Variants in SLC14A2 observed in about 807,000 individuals in gnomAD.
SLC14A2 encodes the protein urea transporter 2.
A neutral mutation model predicts 104.6 loss-of-function variants in SLC14A2; 91 were observed. That is an observed-to-expected ratio of 0.87 (90% CI 0.73 to 1.04). The LOEUF (loss-of-function observed/expected upper bound fraction) is 1.04, where lower values mean the gene tolerates loss of function less well. Ranked by LOEUF, SLC14A2 falls within the 50% of genes least tolerant of loss-of-function variation. The probability of loss-of-function intolerance (pLI) is 0.00; values close to 1 mark genes in which losing one functional copy is unlikely to be tolerated. For missense variants in SLC14A2, 1,189 were observed against 1,156.0 expected (o/e 1.03, Z -0.41); for synonymous variants, 476 against 466.4 (o/e 1.02, Z -0.27).
intron 16 of SLC14A2, among the ~76,000 whole-genome samples, chr18:45,671,025 A>G (rs1285632319): frequency 6.6e-6 from 1 of 152,198 alleles, no homozygotes; most frequent in Non-Finnish European, 1.5e-5. Flanking sequence ...TTCTTGGACC[A>G]GAAACAAGAA....
At chr18:45,210,816 G>A (rs564093501), upstream of SLC14A2, among the ~76,000 whole-genome samples, 2 of 152,254 alleles carry the variant, frequency 1.3e-5, no homozygotes, top group South Asian at 4.1e-4. Flanking sequence ...GTTGTATTGA[G>A]CATAACGTGA....
At chr18:45,536,935 G>A (rs2043796119) in intron 2 of SLC14A2, among the ~76,000 whole-genome samples, 1 of 151,792 alleles carries the variant, frequency 6.6e-6, no homozygotes, top group African/African-American at 2.4e-5. Context: ...AGGACCTTGT[G>A]GTCTAGCCAG....
chr18:45,497,601 G>T (rs2043122488), intron 2 of SLC14A2, among the ~76,000 whole-genome samples: 1 of 152,194 alleles, frequency 6.6e-6, no homozygotes, highest in Non-Finnish European at 1.5e-5. Context: ...TTCCAGCTTT[G>T]ATGTATGCCC....
chr18:45,499,279 A>C (rs1292713242), intron 2 of SLC14A2, among the ~76,000 whole-genome samples: 1 of 152,234 alleles, frequency 6.6e-6, no homozygotes, highest in Non-Finnish European at 1.5e-5. Context: ...TTATCTCAAA[A>C]GGTCCCTAAA....
At chr18:45,340,810 C>T (rs557537249) in intron 1 of SLC14A2, among the ~76,000 whole-genome samples, 4 of 152,100 alleles carry the variant, frequency 2.6e-5, no homozygotes, top group Admixed American at 2.6e-4. Context: ...CTGGTTCCTG[C>T]GATGGCCCTT....
intron 1 of SLC14A2, among the ~76,000 whole-genome samples, chr18:45,249,169 G>A (rs2084396316): frequency 6.6e-6 from 1 of 151,988 alleles, no homozygotes; most frequent in Admixed American, 6.5e-5. Context: ...TTATAAGCGT[G>A]TTTGCCTCAG....
intron 1 of SLC14A2, among the ~76,000 whole-genome samples, chr18:45,397,511 T>G (rs1292978343): frequency 1.3e-5 from 2 of 152,186 alleles, no homozygotes; most frequent in South Asian, 2.1e-4. Context: ...TTAATGAGGT[T>G]GTTTGTTTTT....
chr18:45,482,119 G>A (rs1163815880), intron 1 of SLC14A2, among the ~76,000 whole-genome samples: 3 of 152,136 alleles, frequency 2.0e-5, no homozygotes, highest in Non-Finnish European at 4.4e-5. Flanking sequence ...TTAAAAAAAT[G>A]CATACCCATT....
At chr18:45,625,029 C>T (rs1212189957) in intron 2 of SLC14A2, among the ~76,000 whole-genome samples, 6 of 152,198 alleles carry the variant, frequency 3.9e-5, no homozygotes, top group Admixed American at 3.3e-4. Flanking sequence ...AATACAGACA[C>T]TCACTCACCA....
In SLC14A2 at chr18:45,528,217, C is replaced by CA. The variant is rs1568260696; in HGVS notation, c.-35+44900dup. 5.8e-5 allele frequency: 8 copies of CA among 138,388 alleles called. No homozygotes were observed. The South Asian group carries it at 1.9e-3, about 33-fold the overall frequency. The allele number at this position is 138,388 out of a possible 1,614,324, so 8.6% of individuals were successfully genotyped here. A position where few individuals can be genotyped will look rare whatever the true frequency, so the allele number is the denominator to read the frequency against. On this transcript the variant is annotated intron_variant, in intron 2 of 20. Coordinates refer to the SLC14A2 transcript ENST00000586448. Reference sequence around the variant, plus strand: ...GGGGGGTGTCTATATGCGAAGATTTCAAAAACATATCAGAAATTACTCCCA... The same window carrying CA: ...GGGGGGTGTCTATATGCGAAGATTTCAAAAAACATATCAGAAATTACTCCCA...
intron 1 of SLC14A2, among the ~76,000 whole-genome samples, chr18:45,225,950 A>C (rs2084111598): frequency 6.6e-6 from 1 of 152,186 alleles, no homozygotes; most frequent in Non-Finnish European, 1.5e-5. Flanking sequence ...CAGAATCTAC[A>C]AAGAACTTAA....
intron 1 of SLC14A2, among the ~76,000 whole-genome samples, chr18:45,623,802 G>A (rs1358260617): frequency 6.6e-6 from 1 of 152,100 alleles, no homozygotes. Flanking sequence ...AAAGCTCTAG[G>A]TCATACTGAG....
intron 4 of SLC14A2, among the ~76,000 whole-genome samples, chr18:45,629,935 T>A (rs1424781253): frequency 1.3e-5 from 2 of 152,236 alleles, no homozygotes; most frequent in Non-Finnish European, 2.9e-5. Context: ...CTGTGATCCC[T>A]GACACCAGCT....
intron 1 of SLC14A2, among the ~76,000 whole-genome samples, chr18:45,471,212 A>C (rs1039817446): frequency 3.3e-5 from 5 of 152,204 alleles, no homozygotes; most frequent in African/African-American, 1.2e-4. Flanking sequence ...ATTTGTTCTT[A>C]GTGAGGTTTT....
At chr18:45,643,216 T>G (rs762425908) in intron 9 of SLC14A2, 35 bp downstream of exon 9, 3 of 1,594,536 alleles carry the variant, frequency 1.9e-6, no homozygotes, top group African/African-American at 2.7e-5. Flanking sequence ...TACCCCAAAG[T>G]GCTCTTCCCA....
At chr18:45,609,063 G>A (rs62090574) in intron 2 of SLC14A2, among the ~76,000 whole-genome samples, 2,921 of 152,292 alleles carry the variant, frequency 0.019, 46 homozygotes, top group Middle Eastern at 0.062. Flanking sequence ...AGGGGAAGAA[G>A]CCCCACCAGG....
At chr18:45,645,215 A>G (rs1260944689) in intron 10 of SLC14A2, among the ~76,000 whole-genome samples, 4 of 152,194 alleles carry the variant, frequency 2.6e-5, no homozygotes, top group African/African-American at 4.8e-5. Flanking sequence ...TTATGGCTGC[A>G]TAGTATTCCA....
intron 1 of SLC14A2, among the ~76,000 whole-genome samples, chr18:45,454,780 T>C (rs1352443417): frequency 6.6e-6 from 1 of 152,200 alleles, no homozygotes; most frequent in Non-Finnish European, 1.5e-5. Flanking sequence ...CCATTTCTTG[T>C]TTTTGTCAAG....
chr18:45,386,875 C>G (rs958428712), intron 1 of SLC14A2, among the ~76,000 whole-genome samples: 103 of 152,344 alleles, frequency 6.8e-4, no homozygotes, highest in East Asian at 7.7e-4. Context: ...GTGTAAACCA[C>G]TTAGCACATA....
Sources: allele counts gnomAD v4.1 joint callset (sites outside exome capture counted in the v4.1 genomes callset), GRCh38; gene constraint gnomAD v4.1.1; transcripts MANE v1.5; gene names NCBI Gene and HGNC (gene_info 2026-07-23, HGNC 2026-07-21).